The following TOX variants were observed in gnomAD, a reference collection of about 807,000 sequenced individuals.
TOX encodes thymocyte selection-associated high mobility group box protein TOX.
A neutral mutation model predicts 53.7 loss-of-function variants in TOX; 11 were observed. That is an observed-to-expected ratio of 0.20 (90% CI 0.13 to 0.34). The LOEUF (loss-of-function observed/expected upper bound fraction) is 0.34. Ranked by LOEUF, TOX falls within the 10% of genes least tolerant of loss-of-function variation. The pLI, the probability that TOX is intolerant of heterozygous loss-of-function variation, is 1.00. For missense variants in TOX, 570 were observed against 664.6 expected, an observed-to-expected ratio of 0.86 and a Z score of 1.56; for synonymous variants, 225 against 245.3, an observed-to-expected ratio of 0.92 and a Z score of 0.77.
intron 1 of TOX, among the ~76,000 whole-genome samples, chr8:59,022,464 C>T (rs35833947): frequency 0.18 from 27,692 of 152,112 alleles, 2,775 homozygotes; most frequent in Non-Finnish European, 0.22. Context: ...AGGTCATGTA[C>T]CTTCCCTAAT....
intron 1 of TOX, among the ~76,000 whole-genome samples, chr8:59,026,212 G>A (rs1019149209): frequency 2.6e-5 from 4 of 151,906 alleles, no homozygotes; most frequent in Admixed American, 1.3e-4. Context: ...TGTACACTTT[G>A]GATCTGTCCT....
intron 1 of TOX, among the ~76,000 whole-genome samples, chr8:59,102,206 G>A (rs1804819317): frequency 6.6e-6 from 1 of 151,998 alleles, no homozygotes. Context: ...AAGAGAGCTT[G>A]TACAGAAAAA....
intron 1 of TOX, among the ~76,000 whole-genome samples, chr8:59,042,027 TTTC>T (rs1803597385): frequency 6.6e-6 from 1 of 152,210 alleles, no homozygotes; most frequent in African/African-American, 2.4e-5. Context: ...TCTCCCTAGT[TTTC>T]TTTTCTCCAT....
chr8:58,815,645 G>C lies in TOX; in HGVS notation c.1085C>G (p.Pro362Arg). 3 of 1,614,128 alleles carry C rather than the reference G, an allele frequency of 1.9e-6. No homozygotes were observed. The highest frequency in any genetic ancestry group is 2.5e-6 in the Non-Finnish European group (3 of 1,180,012). The stretch of plus-strand genomic sequence containing the variant: ...GTACAGGGCCGAGTGGGCCTGGCTG[G>C]GCCCATGGAACACCGACGGCTTCGA... ...INSKPSVFHG[P>R]SQAHSALYLS... The change falls in exon 7 of 9, where the codon CCC (proline) becomes CGC (arginine). Residue 362 changes from proline to arginine, a missense_variant. By Grantham distance (103) the Pro-to-Arg change is moderately radical. Around this residue, in one of 3 missense-constraint regions of TOX, gnomAD observed 239 missense variants for 250.7 expected, o/e 0.95. Coordinates refer to ENST00000361421, the MANE Select transcript of TOX (RefSeq NM_014729.3).
intron 1 of TOX, among the ~76,000 whole-genome samples, chr8:59,041,380 G>A (rs1372529470): frequency 6.6e-6 from 1 of 152,048 alleles, no homozygotes; most frequent in African/African-American, 2.4e-5. Context: ...TCCGTGACCT[G>A]TTCCTATGAT....
At chr8:58,991,495 G>A (rs532567699) in intron 1 of TOX, among the ~76,000 whole-genome samples, 6 of 152,264 alleles carry the variant, frequency 3.9e-5, no homozygotes, top group South Asian at 2.1e-4. Context: ...ACAATCGGCC[G>A]GATCGCTTAG....
At chr8:59,109,989 C>A (rs529848025) in intron 1 of TOX, among the ~76,000 whole-genome samples, 12 of 152,184 alleles carry the variant, frequency 7.9e-5, no homozygotes, top group South Asian at 2.1e-4. Context: ...CTTTTCATTT[C>A]TTTAAGTAGT....
chr8:58,920,721 T>TAAAAAAAAAAAAAAAAAAAAAAAAAAAAA (rs5891703), intron 3 of TOX, among the ~76,000 whole-genome samples: 2 of 81,070 alleles, frequency 2.5e-5, no homozygotes, highest in Non-Finnish European at 4.4e-5. Context: ...AAAAAAACAT[T>TAAAAAAAAAAAAAAAAAAAAAAAAAAAAA]AAAAAAAAAA....
chr8:58,977,024 T>C (rs1225400759), intron 1 of TOX, among the ~76,000 whole-genome samples: 2 of 152,208 alleles, frequency 1.3e-5, no homozygotes, highest in African/African-American at 4.8e-5. Flanking sequence ...CCCCTAACAA[T>C]GGAGTCAGCC....
intron 1 of TOX, among the ~76,000 whole-genome samples, chr8:58,995,058 C>T (rs1189227738): frequency 6.6e-6 from 1 of 152,128 alleles, no homozygotes; most frequent in Non-Finnish European, 1.5e-5. Flanking sequence ...ATGAACATGT[C>T]CTTATTTCTG....
chr8:59,056,351 G>C (rs1054587166), intron 1 of TOX, among the ~76,000 whole-genome samples: 1 of 142,960 alleles, frequency 7.0e-6, no homozygotes, highest in African/African-American at 2.6e-5. Context: ...TGGATCACTT[G>C]AGCCCAGGAG....
chr8:58,870,457 A>C (rs951383789), intron 3 of TOX, among the ~76,000 whole-genome samples: 1 of 152,192 alleles, frequency 6.6e-6, no homozygotes, highest in African/African-American at 2.4e-5. Context: ...TTAAGATGTC[A>C]GTTCTTAACT....
At chr8:58,837,532 A>T (rs761620272) in intron 5 of TOX, among the ~76,000 whole-genome samples, 8 of 152,166 alleles carry the variant, frequency 5.3e-5, no homozygotes, top group African/African-American at 7.2e-5. Context: ...AGGGCAATAC[A>T]TGAGAGAAGG....
At chr8:58,845,185 A>G (rs986835335) in intron 4 of TOX, among the ~76,000 whole-genome samples, 4 of 152,168 alleles carry the variant, frequency 2.6e-5, no homozygotes, top group Non-Finnish European at 5.9e-5. Context: ...AAAGCCTTTA[A>G]TGGAGCTGGG....
At chr8:59,094,989 T>C (rs1238852691) in intron 1 of TOX, among the ~76,000 whole-genome samples, 1 of 152,230 alleles carries the variant, frequency 6.6e-6, no homozygotes, top group East Asian at 1.9e-4. Context: ...CGAAGAATAG[T>C]ATTGGATGCT....
chr8:59,032,010 C>T (rs1814365778), intron 1 of TOX, among the ~76,000 whole-genome samples: 1 of 152,120 alleles, frequency 6.6e-6, no homozygotes, highest in Non-Finnish European at 1.5e-5. Flanking sequence ...TCTCTATCTT[C>T]TGGGTGAAAA....
intron 1 of TOX, among the ~76,000 whole-genome samples, chr8:59,032,023 G>T (rs1028672381): frequency 6.6e-6 from 1 of 152,186 alleles, no homozygotes; most frequent in African/African-American, 2.4e-5. Context: ...GGTGAAAAAG[G>T]GATGGTAGGG....
At chr8:59,100,535 G>C (rs1430669808) in intron 1 of TOX, among the ~76,000 whole-genome samples, 1 of 152,116 alleles carries the variant, frequency 6.6e-6, no homozygotes, top group Non-Finnish European at 1.5e-5. Context: ...ATTGCAGTCT[G>C]GTTCCATACC....
chr8:58,849,461 T>C (rs1810771849), intron 4 of TOX, among the ~76,000 whole-genome samples: 1 of 152,186 alleles, frequency 6.6e-6, no homozygotes, highest in Non-Finnish European at 1.5e-5. Context: ...TTGAATAGGA[T>C]ACCCACTGGC....
Sources: gnomAD v4.1 joint callset for allele counts (sites outside exome capture counted in the v4.1 genomes callset) on GRCh38, gnomAD v4.1.1 for gene constraint, gnomAD v4.1.1 regional missense constraint, MANE v1.5 for transcripts, NCBI Gene and HGNC (gene_info 2026-07-23, HGNC 2026-07-21) for gene names.